The following TMEM132B variants were observed in gnomAD, a reference collection of about 807,000 sequenced individuals.
TMEM132B encodes the protein transmembrane protein 132B.
TMEM132B carries 18 observed loss-of-function variants against 90.8 expected under a neutral mutation model. That is an observed-to-expected ratio of 0.20 (90% CI 0.14 to 0.29). The LOEUF is 0.29. Ranked by LOEUF, TMEM132B falls within the 10% of genes least tolerant of loss-of-function variation. The pLI, the probability that TMEM132B is intolerant of heterozygous loss-of-function variation, is 1.00. For synonymous variants in TMEM132B, 504 were observed against 523.3 expected (o/e 0.96, Z 0.50); for missense variants, 1,096 against 1,326.8 (o/e 0.83, Z 2.70).
intron 6 of TMEM132B, among the ~76,000 whole-genome samples, chr12:125,644,737 C>T (rs2137031137): frequency 6.6e-6 from 1 of 152,232 alleles, no homozygotes; most frequent in African/African-American, 2.4e-5. Flanking sequence ...AGTTGTTCCC[C>T]ACCACCATCC....
intron 8 of TMEM132B, 81 bp from the exon 9 acceptor site, chr12:125,653,484 T>C: frequency 7.0e-7 from 1 of 1,429,154 alleles, no homozygotes; most frequent in Admixed American, 2.3e-5. Context: ...ATTTAAACAA[T>C]TTATATAGGA....
intron 1 of TMEM132B, among the ~76,000 whole-genome samples, chr12:125,306,002 A>G (rs1272146645): frequency 6.6e-6 from 1 of 152,218 alleles, no homozygotes; most frequent in Non-Finnish European, 1.5e-5. Flanking sequence ...CTGTTGTCTA[A>G]GTGGAGATTC....
At chr12:125,337,770 C>A (rs1411907020) in intron 1 of TMEM132B, among the ~76,000 whole-genome samples, 1 of 152,180 alleles carries the variant, frequency 6.6e-6, no homozygotes, top group Non-Finnish European at 1.5e-5. Context: ...TGGGCTCCTG[C>A]ACACAAAGGC....
intron 5 of TMEM132B, among the ~76,000 whole-genome samples, chr12:125,598,958 C>T (rs1243397090): frequency 6.6e-6 from 1 of 152,180 alleles, no homozygotes; most frequent in Non-Finnish European, 1.5e-5. Context: ...CATCAATTTC[C>T]TTCTTGCAGA....
At chr12:125,298,289 C>A (rs1246928456) in intron 1 of TMEM132B, among the ~76,000 whole-genome samples, 1 of 151,770 alleles carries the variant, frequency 6.6e-6, no homozygotes, top group African/African-American at 2.4e-5. Context: ...AACAAAAAAA[C>A]CCCAATACCA....
chr12:125,371,551 C>T (rs144105038), intron 2 of TMEM132B, among the ~76,000 whole-genome samples: 48 of 152,234 alleles, frequency 3.2e-4, no homozygotes, highest in African/African-American at 1.1e-3. Flanking sequence ...TGTGGGTTTC[C>T]AGGACACAAT....
At chr12:125,606,459 T>C (rs1274826244) in intron 5 of TMEM132B, among the ~76,000 whole-genome samples, 1 of 152,172 alleles carries the variant, frequency 6.6e-6, no homozygotes, top group South Asian at 2.1e-4. Context: ...CTAGCTACTA[T>C]GTAGATAATG....
chr12:125,339,134 G>T (rs1877082077), intron 1 of TMEM132B, among the ~76,000 whole-genome samples: 1 of 152,146 alleles, frequency 6.6e-6, no homozygotes, highest in South Asian at 2.1e-4. Flanking sequence ...TGGAAAGCAG[G>T]GAAGTCTAGC....
rs115381272 is a variant in TMEM132B at position 125,650,710 on chromosome 12, C to T, written c.1671C>T (p.Asp557=). 1,222 of 1,610,914 alleles carry T rather than the reference C, an allele frequency of 7.6e-4. 6 individuals carry two copies. The African/African-American group carries it at 0.014, about 18-fold the overall frequency. The change falls in exon 7 of 9, where the codon GAC becomes GAT. Residue 557 remains aspartate, a synonymous_variant. Coordinates refer to ENST00000682704, the MANE Select transcript of TMEM132B (RefSeq NM_001366854.1). The part of the protein sequence containing the change: ...RRPTRESDDE[D]DEEKKGRGCS... Reference sequence around the variant, plus strand: ...CTACCCGGGAAAGCGATGACGAGGACGATGAGGAGAAGAAGGGACGAGGCT... The same window carrying T: ...CTACCCGGGAAAGCGATGACGAGGATGATGAGGAGAAGAAGGGACGAGGCT...
chr12:125,345,547 ATAT>A (rs990336618), intron 1 of TMEM132B, among the ~76,000 whole-genome samples: 3 of 152,076 alleles, frequency 2.0e-5, no homozygotes, highest in Admixed American at 6.6e-5. Context: ...TCTAGGAGTA[ATAT>A]TATTAATCTC....
intron 5 of TMEM132B, among the ~76,000 whole-genome samples, chr12:125,591,560 A>G (rs1363069317): frequency 6.6e-6 from 1 of 152,180 alleles, no homozygotes; most frequent in Non-Finnish European, 1.5e-5. Context: ...TGACAAAGGT[A>G]TTAGTTTCCT....
At chr12:125,369,695 C>T (rs537295078) in intron 2 of TMEM132B, among the ~76,000 whole-genome samples, 2 of 152,294 alleles carry the variant, frequency 1.3e-5, no homozygotes, top group South Asian at 4.1e-4. Flanking sequence ...AGAGCTCAAG[C>T]AGGGGAAATG....
chr12:125,225,123 G>A (rs1314414127), intron 1 of TMEM132B, among the ~76,000 whole-genome samples: 1 of 152,194 alleles, frequency 6.6e-6, no homozygotes, highest in African/African-American at 2.4e-5. Flanking sequence ...CCCACAGTGT[G>A]GCGAGGTCCA....
chr12:125,608,743 T>A (rs944353826), intron 5 of TMEM132B, among the ~76,000 whole-genome samples: 1 of 152,220 alleles, frequency 6.6e-6, no homozygotes, highest in Non-Finnish European at 1.5e-5. Context: ...AGTTTTTATG[T>A]ATGGTTTGAA....
intron 5 of TMEM132B, among the ~76,000 whole-genome samples, chr12:125,625,840 C>T (rs1186534230): frequency 1.3e-5 from 2 of 152,114 alleles, no homozygotes; most frequent in Non-Finnish European, 2.9e-5. Context: ...TTTCTTTTGC[C>T]ATTCTAATGA....
intron 6 of TMEM132B, among the ~76,000 whole-genome samples, chr12:125,647,502 T>C (rs1886796619): frequency 1.3e-5 from 2 of 152,248 alleles, no homozygotes; most frequent in Non-Finnish European, 2.9e-5. Flanking sequence ...AATGAATTTC[T>C]TGCCTGAAAC....
intron 5 of TMEM132B, among the ~76,000 whole-genome samples, chr12:125,607,379 G>C (rs1423567822): frequency 6.6e-6 from 1 of 152,196 alleles, no homozygotes; most frequent in South Asian, 2.1e-4. Flanking sequence ...ATGGAACGAG[G>C]TATAGAAACA....
intron 2 of TMEM132B, among the ~76,000 whole-genome samples, chr12:125,381,372 G>A (rs1431654677): frequency 6.6e-6 from 1 of 152,166 alleles, no homozygotes; most frequent in African/African-American, 2.4e-5. Flanking sequence ...GTGAGACCAA[G>A]GAGGAAGATG....
chr12:125,377,906 A>T (rs1878542939), intron 2 of TMEM132B, among the ~76,000 whole-genome samples: 1 of 152,174 alleles, frequency 6.6e-6, no homozygotes, highest in Non-Finnish European at 1.5e-5. Flanking sequence ...ACAAAATCTT[A>T]AGTTCTTTTG....
Sources: allele counts gnomAD v4.1 joint callset (sites outside exome capture counted in the v4.1 genomes callset), GRCh38; gene constraint gnomAD v4.1.1; transcripts MANE v1.5; gene names NCBI Gene and HGNC (gene_info 2026-07-23, HGNC 2026-07-21).